DENND2B: variants seen among roughly 807,000 people sequenced by gnomAD.
DENND2B encodes DENN domain containing 2B.
DENND2B carries 32 observed loss-of-function variants against 116.0 expected under a neutral mutation model. That is an observed-to-expected ratio of 0.28 (90% CI 0.21 to 0.37). The LOEUF is 0.37. Among genes scored for constraint, DENND2B ranks in the 10% least tolerant of loss-of-function variants. DENND2B has a pLI of 1.00. For synonymous variants in DENND2B, 588 were observed against 583.9 expected (o/e 1.01, Z -0.10); for missense variants, 1,276 against 1,477.7 (o/e 0.86, Z 2.24).
intron 1 of DENND2B, among the ~76,000 whole-genome samples, chr11:8,894,470 A>C (rs995437714): frequency 1.3e-5 from 2 of 152,024 alleles, no homozygotes; most frequent in African/African-American, 2.4e-5. Context: ...CAACCTACAA[A>C]ATGGGAGAAA....
chr11:8,726,420 GA>G (rs1374516029), intron 3 of DENND2B: 1 of 519,158 alleles, frequency 1.9e-6, no homozygotes, highest in Admixed American at 3.7e-5. Context: ...GCCTTATCCT[GA>G]ATAATACCGC....
chr11:8,743,675 C>T (rs1565814981), intron 2 of DENND2B, among the ~76,000 whole-genome samples: 1 of 152,064 alleles, frequency 6.6e-6, no homozygotes, highest in Non-Finnish European at 1.5e-5. Context: ...AGTAAGGCTC[C>T]TAAGAATCTT....
At chr11:8,793,131 T>C (rs2059528094) in intron 1 of DENND2B, among the ~76,000 whole-genome samples, 2 of 152,240 alleles carry the variant, frequency 1.3e-5, no homozygotes, top group South Asian at 4.1e-4. Flanking sequence ...TAGAAAAATA[T>C]CCTAGGTAAA....
chr11:8,811,206 T>C, upstream of DENND2B: 1 of 398,504 alleles, frequency 2.5e-6, no homozygotes, highest in Non-Finnish European at 4.4e-6. Flanking sequence ...GGAAATGCAC[T>C]CACATCCCAG....
At chr11:8,776,345 TC>T (rs1307182042) in intron 1 of DENND2B, 5 of 414,494 alleles carry the variant, frequency 1.2e-5, no homozygotes, top group Admixed American at 5.5e-5. Flanking sequence ...CAGGCCAAGG[TC>T]CCCTGAAGCT....
chr11:8,902,203 G>C (rs568631955), intron 1 of DENND2B, among the ~76,000 whole-genome samples: 1 of 152,084 alleles, frequency 6.6e-6, no homozygotes, highest in East Asian at 1.9e-4. Flanking sequence ...GCACGCGCCT[G>C]TAATCCCAGC....
chr11:8,816,678 AT>A (rs1474216204), intron 4 of DENND2B, among the ~76,000 whole-genome samples: 4 of 152,192 alleles, frequency 2.6e-5, no homozygotes, highest in African/African-American at 9.7e-5. Flanking sequence ...CTGCCTGTGA[AT>A]GGCAATGTGG....
At chr11:8,757,208 C>T in intron 1 of DENND2B, 1 of 409,848 alleles carries the variant, frequency 2.4e-6, no homozygotes, top group Middle Eastern at 3.7e-4. Context: ...GTCACTATAA[C>T]AGCCATAATA....
chr11:8,729,085 A>T (rs2047630440), intron 3 of DENND2B, among the ~76,000 whole-genome samples: 2 of 152,190 alleles, frequency 1.3e-5, no homozygotes, highest in Admixed American at 1.3e-4. Flanking sequence ...GGGATATGTT[A>T]GATGAAGCCT....
chr11:8,863,346 T>TCCCAGGTTCACACAATTCTCCTGC (rs543669262), intron 2 of DENND2B, among the ~76,000 whole-genome samples: 1 of 81,270 alleles, frequency 1.2e-5, no homozygotes, highest in Non-Finnish European at 2.5e-5. Context: ...AAGCTCCACC[T>TCCCAGGTTCACACAATTCTCCTGC]CTCAGCCTCC....
chr11:8,718,096 A>AACCCCCCCCCCCCCC, intron 4 of DENND2B: 4 of 65,008 alleles, frequency 6.2e-5, no homozygotes, highest in South Asian at 2.3e-4. Flanking sequence ...AAGCAGACCC[A>AACCCCCCCCCCCCCC]CCCCCCCACC....
chr11:8,899,201 G>A (rs1480872765), intron 1 of DENND2B, among the ~76,000 whole-genome samples: 1 of 151,860 alleles, frequency 6.6e-6, no homozygotes, highest in African/African-American at 2.4e-5. Context: ...AAATGAACAA[G>A]CCTCAGAGAT....
At chr11:8,710,700 G>T (rs1410306131) in intron 11 of DENND2B, 145 bp downstream of exon 11, 22 of 808,778 alleles carry the variant, frequency 2.7e-5, no homozygotes, top group Non-Finnish European at 4.2e-5. Context: ...GGGGTTCGGG[G>T]TGGCCTCAGG....
At chr11:8,736,764 A>C (rs900540260) in intron 2 of DENND2B, among the ~76,000 whole-genome samples, 1 of 152,152 alleles carries the variant, frequency 6.6e-6, no homozygotes, top group Non-Finnish European at 1.5e-5. Flanking sequence ...GAAACAATGA[A>C]GTGTGGGCTG....
chr11:8,803,336 G>C (rs557533914), intron 1 of DENND2B, among the ~76,000 whole-genome samples: 1 of 152,218 alleles, frequency 6.6e-6, no homozygotes, highest in Admixed American at 6.5e-5. Context: ...AGTGAGCCAA[G>C]ATCATGCCAC....
At chr11:8,887,375 G>T (rs1029347106) in intron 1 of DENND2B, among the ~76,000 whole-genome samples, 3 of 152,148 alleles carry the variant, frequency 2.0e-5, no homozygotes, top group African/African-American at 7.2e-5. Context: ...CAATTTGCCT[G>T]AAACATTTGC....
At chr11:8,849,666 T>C (rs1265195366) in intron 3 of DENND2B, among the ~76,000 whole-genome samples, 81 of 135,734 alleles carry the variant, frequency 6.0e-4, no homozygotes, top group Non-Finnish European at 5.0e-4. Flanking sequence ...CTACTAAAGA[T>C]ACAAAAATTA....
chr11:8,784,851 G>T (rs1004777597), intron 1 of DENND2B, among the ~76,000 whole-genome samples: 1 of 146,048 alleles, frequency 6.8e-6, no homozygotes, highest in African/African-American at 2.6e-5. Context: ...AAAAAAAAAA[G>T]AAAAGAAACA....
intron 1 of DENND2B, among the ~76,000 whole-genome samples, chr11:8,777,029 G>C (rs1156230885): frequency 7.9e-5 from 12 of 152,150 alleles, no homozygotes; most frequent in Non-Finnish European, 5.9e-5. Flanking sequence ...GCTTATGAGA[G>C]AGTGAATGGG....
Sources: gnomAD v4.1 joint callset for allele counts (sites outside exome capture counted in the v4.1 genomes callset) on GRCh38, gnomAD v4.1.1 for gene constraint, MANE v1.5 for transcripts, NCBI Gene and HGNC (gene_info 2026-07-23, HGNC 2026-07-21) for gene names.